SLC17A5: variants seen among roughly 807,000 people sequenced by gnomAD.
SLC17A5 encodes the protein solute carrier family 17 member 5, also known as sialin.
A neutral mutation model predicts 59.4 loss-of-function variants in SLC17A5; 47 were observed. The observed-to-expected ratio is 0.79, with a 90% CI of 0.63 to 1.01. The LOEUF (loss-of-function observed/expected upper bound fraction) is 1.01. Among genes scored for constraint, SLC17A5 ranks in the 50% least tolerant of loss-of-function variants. The pLI, the probability that SLC17A5 is intolerant of heterozygous loss-of-function variation, is 0.00. For synonymous variants in SLC17A5, 202 were observed against 210.7 expected (o/e 0.96, Z 0.36); for missense variants, 522 against 595.5 (o/e 0.88, Z 1.28).
At chr6:73,607,466 A>G (rs1315301696) in intron 9 of SLC17A5, among the ~76,000 whole-genome samples, 1 of 152,132 alleles carries the variant, frequency 6.6e-6, no homozygotes, top group African/African-American at 2.4e-5. Context: ...GAGTTTCACC[A>G]TGTTGGCCAG....
intron 6 of SLC17A5, among the ~76,000 whole-genome samples, chr6:73,626,114 T>C (rs1438892580): frequency 6.6e-6 from 1 of 152,242 alleles, no homozygotes; most frequent in Non-Finnish European, 1.5e-5. Context: ...TTCTGAAGAA[T>C]GTACCCTACC....
chr6:73,617,926 A>T (rs547247364), intron 7 of SLC17A5, among the ~76,000 whole-genome samples: 23 of 151,946 alleles, frequency 1.5e-4, no homozygotes, highest in Non-Finnish European at 2.9e-4. Context: ...TCATTTATTT[A>T]AAAAAATTGA....
In SLC17A5 at chr6:73,632,889, A is replaced by G. The variant is rs1006787819; in HGVS notation, c.819+2493T>C. On this transcript the variant is annotated intron_variant, in intron 6 of 10. Coordinates refer to ENST00000355773, the MANE Select transcript of SLC17A5 (RefSeq NM_012434.5). Reference sequence around the variant, plus strand: ...AACATATCAAGTTTTACATGGCAACATCTGTTTATAATGTGTTAAATTTTT... The same window carrying G: ...AACATATCAAGTTTTACATGGCAACGTCTGTTTATAATGTGTTAAATTTTT... Among the ~76,000 whole-genome samples the G allele has an allele frequency of 2.0e-5, 3 of 149,442 alleles. 1 individual carries two copies. The highest frequency in any genetic ancestry group is 7.7e-5 in the African/African-American group (3 of 38,856).
intron 7 of SLC17A5, among the ~76,000 whole-genome samples, chr6:73,615,949 G>A (rs1304318265): frequency 1.5e-5 from 2 of 136,786 alleles, no homozygotes; most frequent in Non-Finnish European, 3.1e-5. Flanking sequence ...ACAGGGGTGT[G>A]ATCTCGACTC....
At chr6:73,602,372 C>T (rs1291894364) in intron 9 of SLC17A5, among the ~76,000 whole-genome samples, 1 of 150,502 alleles carries the variant, frequency 6.6e-6, no homozygotes. Context: ...CCGACCTTCC[C>T]TCCACTATTG....
In SLC17A5 at chr6:73,595,024, T is replaced by C; in HGVS notation, c.*53A>G. On this transcript the variant is annotated 3_prime_UTR_variant, in exon 11 of 11. Transcript: ENST00000355773. ...ACACAATACAGAAGGCACTTTGAGG[T>C]TACATGATAAATAAAAATACATTAA... 2 of 1,598,702 alleles carry C rather than the reference T, an allele frequency of 1.3e-6. No individual in the cohort carries two copies. The highest frequency in any genetic ancestry group is 1.7e-6 in the Non-Finnish European group (2 of 1,166,264).
intron 1 of SLC17A5, among the ~76,000 whole-genome samples, chr6:73,650,711 A>G (rs1419889483): frequency 1.3e-5 from 2 of 151,654 alleles, no homozygotes; most frequent in African/African-American, 2.4e-5. Context: ...AAAAGAAAAT[A>G]AAGTGTTGGA....
chr6:73,650,266 C>T (rs579708), intron 1 of SLC17A5, among the ~76,000 whole-genome samples: 1 of 150,800 alleles, frequency 6.6e-6, no homozygotes, highest in African/African-American at 2.4e-5. Flanking sequence ...TCCCAGCACT[C>T]TGGGAGGCCG....
intron 2 of SLC17A5, among the ~76,000 whole-genome samples, chr6:73,643,289 T>C (rs553142896): frequency 6.8e-6 from 1 of 147,124 alleles, no homozygotes; most frequent in Non-Finnish European, 1.5e-5. Context: ...GCCTCCCGAG[T>C]AGCTGGGACC....
intron 2 of SLC17A5, among the ~76,000 whole-genome samples, chr6:73,642,506 G>C (rs561769489): frequency 2.7e-4 from 41 of 152,176 alleles, no homozygotes; most frequent in Non-Finnish European, 4.9e-4. Context: ...CTATTAACAT[G>C]CATAAATGTA....
intron 1 of SLC17A5, among the ~76,000 whole-genome samples, chr6:73,649,021 G>T (rs1246119486): frequency 4.0e-5 from 6 of 148,274 alleles, no homozygotes; most frequent in Admixed American, 2.7e-4. Flanking sequence ...TTTTGGAGAT[G>T]GAGTCTTTCT....
At chr6:73,634,854 C>T (rs1234929786) in intron 6 of SLC17A5, among the ~76,000 whole-genome samples, 1 of 152,158 alleles carries the variant, frequency 6.6e-6, no homozygotes, top group East Asian at 1.9e-4. Context: ...TATAAACACA[C>T]TAGTTGGTTT....
intron 9 of SLC17A5, among the ~76,000 whole-genome samples, chr6:73,601,457 A>G (rs1581954550): frequency 9.5e-6 from 1 of 105,316 alleles, no homozygotes; most frequent in Non-Finnish European, 2.0e-5. Flanking sequence ...TCCGGGAGGG[A>G]GGTGGGGGGG....
At chr6:73,615,070 G>A (rs1767794159) in intron 8 of SLC17A5, among the ~76,000 whole-genome samples, 1 of 152,116 alleles carries the variant, frequency 6.6e-6, no homozygotes, top group South Asian at 2.1e-4. Context: ...AGGATCTGAT[G>A]CTACCGCCAG....
At chr6:73,601,548 G>A (rs1216015005) in intron 9 of SLC17A5, among the ~76,000 whole-genome samples, 1 of 97,006 alleles carries the variant, frequency 1.0e-5, no homozygotes, top group Non-Finnish European at 2.1e-5. Context: ...CAACCCGTCC[G>A]GGAGGTGAGG....
intron 7 of SLC17A5, among the ~76,000 whole-genome samples, chr6:73,615,877 A>ATT (rs1235441741): frequency 8.4e-6 from 1 of 119,654 alleles, no homozygotes; most frequent in Non-Finnish European, 1.8e-5. Flanking sequence ...TTAATGAATC[A>ATT]TTCTTTTTTT....
At position 73,647,940 on chromosome 6, in the gene SLC17A5, G is replaced by T. The variant is rs539690579; in HGVS notation, c.95-3337C>A. Among the ~76,000 whole-genome samples, 5 of 152,220 alleles carry T rather than the reference G, an allele frequency of 3.3e-5. No individual in the cohort carries two copies. In the South Asian group the frequency reaches 8.3e-4, roughly 25 times the overall value. On this transcript the variant is annotated intron_variant, in intron 1 of 10. Coordinates refer to ENST00000355773, the MANE Select transcript of SLC17A5 (RefSeq NM_012434.5). ...AAAAATTAGCCGGGCGTGGTGGCAG[G>T]CACTTGTAATCCCAGCTACTCGGGA...
chr6:73,652,863 T>A (rs575296346), intron 1 of SLC17A5, among the ~76,000 whole-genome samples: 1 of 152,352 alleles, frequency 6.6e-6, no homozygotes, highest in South Asian at 2.1e-4. Flanking sequence ...CCAACACAAC[T>A]CTTTCTCACG....
chr6:73,639,843 C>G (rs542038649), intron 3 of SLC17A5, among the ~76,000 whole-genome samples: 1 of 152,050 alleles, frequency 6.6e-6, no homozygotes, highest in Non-Finnish European at 1.5e-5. Context: ...GCCAGAAGTT[C>G]GAGACCAGCC....
Sources: gnomAD v4.1 joint callset for allele counts (sites outside exome capture counted in the v4.1 genomes callset) on GRCh38, gnomAD v4.1.1 for gene constraint, MANE v1.5 for transcripts, NCBI Gene and HGNC (gene_info 2026-07-23, HGNC 2026-07-21) for gene names.